LMF2: variants seen among roughly 807,000 people sequenced by gnomAD.
The protein encoded by LMF2 is transmembrane protein 112B.
In LMF2, 113 loss-of-function variants were observed where a neutral mutation model predicts 81.5. The ratio of observed to expected loss-of-function variants is 1.39; its 90% confidence interval spans 1.19 to 1.62. LMF2 has a LOEUF of 1.62. LMF2 is among the 40% of genes most tolerant of loss of function. LMF2 has a pLI of 0.00. For missense variants in LMF2, 1,235 were observed against 929.1 expected (o/e 1.33, Z -4.28); for synonymous variants, 645 against 424.5 (o/e 1.52, Z -6.39).
Position 50,503,274 on chromosome 22 carries a change from A to G in LMF2, c.*117T>C. ...TGCAAACCCCAGGGGCAGCCCCCCA[A>G]CCTGTGCCTGGCCCTGCAGGGTCAG... is the stretch of plus-strand genomic sequence containing the variant. On this transcript the variant is annotated 3_prime_UTR_variant, in exon 14 of 14. Transcript: ENST00000474879. 1.8e-6 allele frequency: 2 copies of G among 1,134,608 alleles called. No individual in the cohort carries two copies. The highest frequency in any genetic ancestry group is 2.5e-6 in the Non-Finnish European group (2 of 804,968). The allele number at this position is 1,134,608 out of a possible 1,614,324, so 70.3% of individuals were successfully genotyped here. A position where few individuals can be genotyped will look rare whatever the true frequency, so the allele number is the denominator to read the frequency against.
In LMF2 at chr22:50,503,511, T is replaced by A. The variant is rs1408486334; in HGVS notation, c.2004A>T (p.Pro668=). The change falls in exon 14 of 14, where the codon CCA becomes CCT. Residue 668 remains proline, a synonymous_variant. Coordinates refer to ENST00000474879, the MANE Select transcript of LMF2 (RefSeq NM_033200.3). ...CTGGCCTGCGCTTCTCCCCGCTGAC[T>A]GGTGCCAGCGGGGAGGACCGGAGAG... The part of the protein sequence containing the change: ...PCSLRSSPLA[P]VSGEKRRPAS... 5.1e-6 allele frequency: 8 copies of A among 1,579,880 alleles called. No homozygotes were observed. The highest frequency in any genetic ancestry group is 6.9e-6 in the Non-Finnish European group (8 of 1,166,832).
At position 50,503,996 on chromosome 22, in the gene LMF2, TCACGCTCCA is replaced by T. The variant is rs1207637331; in HGVS notation, c.1719-101_1719-93del. The T allele has an allele frequency of 1.2e-5, 13 of 1,094,512 alleles. No homozygotes were observed. In the East Asian group the frequency reaches 2.4e-4, roughly 20 times the overall value. 67.8% of individuals were successfully genotyped at this position (1,094,512 alleles called of 1,614,324 possible). ...AGCCTTACCCCTGCTCCTCAGCTCC[TCACGCTCCA>T]CATCCCCCCCTGGTGCCCGGCCTTA... On this transcript the variant is annotated intron_variant, in intron 12 of 13. Coordinates refer to ENST00000474879, the MANE Select transcript of LMF2 (RefSeq NM_033200.3).
At chr22:50,507,344 C>T (rs997413117) in intron 1 of LMF2, 4 of 605,776 alleles carry the variant, frequency 6.6e-6, no homozygotes, top group South Asian at 2.0e-5. Context: ...CTCTCTCCCA[C>T]CTCTCTCAGA....
rs2068551616 is a variant in LMF2 at position 50,505,955 on chromosome 22, T to G, written c.774+80A>C. 7.7e-6 allele frequency: 12 copies of G among 1,560,824 alleles called. No individual in the cohort carries two copies. The South Asian group carries it at 1.3e-4, about 17-fold the overall frequency. ...TGCCAGCTGTCCCCGGGAGCCACGC[T>G]GTCCCCAACAGGGCACGCTGAGCAG... On this transcript the variant is annotated intron_variant, in intron 5 of 13. Coordinates refer to ENST00000474879, the MANE Select transcript of LMF2 (RefSeq NM_033200.3).
rs139124819 is a variant in LMF2, at chr22:50,504,345, C to T, written c.1713G>A (p.Glu571=). The T allele has an allele frequency of 4.5e-5, 73 of 1,610,538 alleles. No homozygotes were observed. In the African/African-American group the frequency reaches 6.4e-4, roughly 14 times the overall value. ...CACCCGGTGCCCAGCCTTACCCCTG[C>T]TCCCCAGGCTGGGAGAACCAGTACT... ...RYKYWFSQPG[E]QGQWWRRQWV... is the part of the protein sequence containing the mutation. The change falls in exon 12 of 14, where the codon GAG becomes GAA. Residue 571 remains glutamate (E), a synonymous_variant. Coordinates refer to ENST00000474879, the MANE Select transcript of LMF2 (RefSeq NM_033200.3).
At chr22:50,505,190 G>A (rs370485411) in intron 8 of LMF2, 37 bp from the exon 9 acceptor site, 2 of 1,612,530 alleles carry the variant, frequency 1.2e-6, no homozygotes, top group Non-Finnish European at 1.7e-6. Flanking sequence ...GGCCGGCCCT[G>A]CACACCTGTG....
At chr22:50,504,496 CCCCT>C in intron 11 of LMF2, 45 bp from the exon 12 acceptor site, 4 of 753,180 alleles carry the variant, frequency 5.3e-6, no homozygotes, top group Admixed American at 2.1e-5. Flanking sequence ...ACCCGCCCTG[CCCCT>C]CCCCTCCCCA....
At position 50,504,845 on chromosome 22, in the gene LMF2, G is replaced by A; in HGVS notation, c.1394C>T (p.Pro465Leu). The change falls in exon 10 of 14, where the codon CCT becomes CTT. Residue 465 changes from proline to leucine, a missense_variant. Physicochemically the swap from Pro to Leu is moderately conservative, Grantham distance 98. Transcript: ENST00000474879. Reference sequence around the variant, plus strand: ...GTAACTGCCCTCCAGCACCACCTCAGGCCGTCCACCAAGCCCAGTCATGCG... The same window carrying A: ...GTAACTGCCCTCCAGCACCACCTCAAGCCGTCCACCAAGCCCAGTCATGCG... ...FRRMTGLGGRPEVVLEGSYDG... is the reference protein window; with the variant it reads ...FRRMTGLGGRLEVVLEGSYDG... The A allele has an allele frequency of 5.0e-6, 8 of 1,610,800 alleles. No homozygotes were observed. Among genetic ancestry groups the A allele is most frequent in the Non-Finnish European group, 5.9e-6 (7 of 1,178,672 alleles).
rs769875563 is a variant in LMF2 at position 50,506,878 on chromosome 22, C to T, written c.252G>A (p.Leu84=). 7 of 1,586,270 alleles carry T rather than the reference C, an allele frequency of 4.4e-6. No homozygotes were observed. The South Asian group carries it at 7.9e-5, about 18-fold the overall frequency. The change falls in exon 2 of 14, where the codon CTG becomes CTA. Residue 84 remains leucine (L), a synonymous_variant. Coordinates refer to ENST00000474879, the MANE Select transcript of LMF2 (RefSeq NM_033200.3). ...GGGCTCCCAGGGCCACTAGTGCACC[C>T]AGCAGGCTCAGCAGCTCCAGGCCCT... ...TAQGLELLSL[L]GALVALGALL...
chr22:50,504,767 G>T, intron 10 of LMF2, 35 bp downstream of exon 10: 1 of 1,605,196 alleles, frequency 6.2e-7, no homozygotes, highest in Non-Finnish European at 8.5e-7. Flanking sequence ...CGCTGACCTG[G>T]GCCCCACCAC....
chr22:50,503,738 T>C (rs1396159953), intron 13 of LMF2, 39 bp from the exon 14 acceptor site: 1 of 1,589,348 alleles, frequency 6.3e-7, no homozygotes, highest in South Asian at 1.1e-5. Context: ...GGGGAAGTGC[T>C]TACTGGGTTT....
rs2068511523 is a variant in LMF2, at chr22:50,504,787, C to T, written c.1437+15G>A. 6.2e-7 allele frequency: 1 copy of T among 1,604,654 alleles called. No homozygotes were observed. The highest frequency in any genetic ancestry group is 8.5e-7 in the Non-Finnish European group (1 of 1,174,944). ...ACCTGGGCCCCACCACCCTGCCCGC[C>T]CTGGGAGGGCTCACCGTCCAGTGGT... On this transcript the variant is annotated intron_variant, in intron 10 of 13. Coordinates refer to ENST00000474879, the MANE Select transcript of LMF2 (RefSeq NM_033200.3).
Position 50,503,616 on chromosome 22 carries a change from CA to C in LMF2, c.1898del (p.Leu633ArgfsTer24). 7.0e-6 allele frequency: 11 copies of C among 1,573,900 alleles called. No homozygotes were observed. The highest frequency in any genetic ancestry group is 9.5e-6 in the Non-Finnish European group (11 of 1,161,984). On this transcript the variant is annotated frameshift_variant, in exon 14 of 14. Coordinates refer to ENST00000474879, the MANE Select transcript of LMF2 (RefSeq NM_033200.3). LOFTEE classifies it low-confidence loss of function (END_TRUNC). ...GCCCCCAGAGCAGGGCGGGGGCCTC[CA>C]GGGGAGACAGCTGAGAGCGAGTCCA... ...LHWTRSQLSP[L>X]EAPALLWGLL... is the part of the protein sequence containing the mutation.
At position 50,503,682 on chromosome 22, in the gene LMF2, G is replaced by A. The variant is rs748011719; in HGVS notation, c.1833C>T (p.Arg611=). Residue 611 remains arginine (R), a synonymous_variant, in exon 14 of 14, where the codon CGC becomes CGT. Coordinates refer to ENST00000474879, the MANE Select transcript of LMF2 (RefSeq NM_033200.3). ...CCAGGGTGCTGTTGGCGCTGCGGGTGCGAGGTGGGCTTTTCTCCTGTGGGA... is the reference window on the plus strand; with the variant it reads ...CCAGGGTGCTGTTGGCGCTGCGGGTACGAGGTGGGCTTTTCTCCTGTGGGA... The part of the protein sequence containing the change: ...QFGLQEKSPP[R]TRSANSTLAQ... 11 of 1,592,090 alleles carry A rather than the reference G, an allele frequency of 6.9e-6. No homozygotes were observed. Among genetic ancestry groups the A allele is most frequent in the East Asian group, 4.5e-5 (2 of 44,750 alleles).
intron 1 of LMF2, 38 bp from the exon 2 acceptor site, chr22:50,507,073 C>T (rs2068604557): frequency 1.9e-6 from 3 of 1,556,854 alleles, no homozygotes; most frequent in East Asian, 4.5e-5. Context: ...CCTGGACAGC[C>T]CTTGCAGACT....
chr22:50,506,660 G>A lies in LMF2; in HGVS notation c.355C>T (p.Gln119Ter), dbSNP rs1464990359. The A allele has an allele frequency of 3.1e-6, 5 of 1,613,410 alleles. No individual in the cohort carries two copies. The highest frequency in any genetic ancestry group is 2.2e-5 in the East Asian group (1 of 44,884). The change falls in exon 3 of 14, where the codon CAG becomes TAG. Residue 119 changes from glutamine to a stop codon, truncating the protein, a stop_gained. Coordinates refer to ENST00000474879, the MANE Select transcript of LMF2 (RefSeq NM_033200.3). LOFTEE classifies it high-confidence loss of function. ...CACCACTGGAAATAAAGGAACACCT[G>A]GCCCACCTGCGGAGAGAGGGGCTGT... ...AAYLSACQVG[Q>*]VFLYFQWDSL...
Position 50,504,563 on chromosome 22 carries a change from C to T in LMF2, c.1602G>A (p.Glu534=). The T allele has an allele frequency of 1.3e-6, 2 of 1,546,892 alleles. No individual in the cohort carries two copies. The highest frequency in any genetic ancestry group is 1.1e-5 in the South Asian group (1 of 89,232). ...SLVLRLLQGK[E]PVIRLVQSQV... Reference sequence around the variant, plus strand: ...CCCCCCAAGCCCGCTCCGCACCTGGCTCCTTGCCCTGCAGCAGGCGCAAGA... The same window carrying T: ...CCCCCCAAGCCCGCTCCGCACCTGGTTCCTTGCCCTGCAGCAGGCGCAAGA... The change falls in exon 11 of 14, where the codon GAG becomes GAA. Residue 534 remains glutamate (E), a synonymous_variant. Coordinates refer to ENST00000474879, the MANE Select transcript of LMF2 (RefSeq NM_033200.3).
chr22:50,506,102 T>C lies in LMF2; in HGVS notation c.707A>G (p.Glu236Gly). 2 of 1,589,218 alleles carry C rather than the reference T, an allele frequency of 1.3e-6. No homozygotes were observed. Among genetic ancestry groups the C allele is most frequent in the East Asian group, 2.3e-5 (1 of 44,006 alleles). Reference sequence around the variant, plus strand: ...GAAGAACAGGGGCGGCACAGCGATCTCAATTAGGAAGGTGGCCACCACGCT... The same window carrying C: ...GAAGAACAGGGGCGGCACAGCGATCCCAATTAGGAAGGTGGCCACCACGCT... ...KLSVVATFLI[E>G]IAVPPLFFAP... is the part of the protein sequence containing the mutation. Residue 236 changes from glutamate to glycine, a missense_variant, in exon 5 of 14, where the codon GAG (glutamate) becomes GGG (glycine). Coordinates refer to ENST00000474879, the MANE Select transcript of LMF2 (RefSeq NM_033200.3).
rs561600584 is a variant in LMF2 at position 50,503,416 on chromosome 22, G to C, written c.2099C>G (p.Ser700Trp). 1.9e-6 allele frequency: 3 copies of C among 1,610,016 alleles called. No individual in the cohort carries two copies. The highest frequency in any genetic ancestry group is 1.7e-5 in the Admixed American group (1 of 59,102). The change falls in exon 14 of 14, where the codon TCG becomes TGG. Residue 700 changes from serine to tryptophan, a missense_variant. Transcript: ENST00000474879. ...TAAPNPCSSSSRTTRRKK is the reference protein window; with the variant it reads ...TAAPNPCSSSWRTTRRKK ...CTACTTCTTTCGCCGGGTGGTCCTC[G>C]AACTACTGGAGCAGGGGTTGGGGGC...
Sources: allele counts gnomAD v4.1 joint callset, GRCh38; gene constraint gnomAD v4.1.1; transcripts MANE v1.5; gene names NCBI Gene and HGNC (gene_info 2026-07-23, HGNC 2026-07-21).